The following NEGR1 variants were observed in gnomAD, a reference collection of about 807,000 sequenced individuals.
The protein encoded by NEGR1 is IgLON family member 4.
Under a neutral mutation model 40.9 loss-of-function variants are expected in NEGR1, and 10 were observed. That is an observed-to-expected ratio of 0.24 (90% confidence interval 0.15 to 0.42). The LOEUF is 0.42. NEGR1 is among the 10% of genes least tolerant of loss of function. The pLI is 1.00. For synonymous variants in NEGR1, 185 were observed against 166.8 expected, an observed-to-expected ratio of 1.11 and a Z score of -0.84; for missense variants, 352 against 438.9, an observed-to-expected ratio of 0.80 and a Z score of 1.77.
chr1:71,622,529 A>AT (rs889569509), intron 4 of NEGR1, among the ~76,000 whole-genome samples: 7 of 151,970 alleles, frequency 4.6e-5, no homozygotes, highest in East Asian at 1.9e-4. Context: ...AAACATAAGA[A>AT]TTTTTTTGTA....
At chr1:71,631,465 A>C (rs1570128466) in intron 4 of NEGR1, among the ~76,000 whole-genome samples, 1 of 151,802 alleles carries the variant, frequency 6.6e-6, no homozygotes, top group African/African-American at 2.4e-5. Context: ...TATCAACAAG[A>C]ATTCTCTTCC....
At chr1:71,807,117 C>T (rs1269514906) in intron 2 of NEGR1, among the ~76,000 whole-genome samples, 3 of 151,900 alleles carry the variant, frequency 2.0e-5, no homozygotes, top group African/African-American at 7.2e-5. Flanking sequence ...AGGATGGTCT[C>T]AATCTCCTGA....
At chr1:71,638,271 T>A (rs1570136790) in intron 4 of NEGR1, among the ~76,000 whole-genome samples, 1 of 152,084 alleles carries the variant, frequency 6.6e-6, no homozygotes, top group East Asian at 1.9e-4. Context: ...TGTGCTCTCA[T>A]CATATGAATC....
chr1:71,817,931 G>T (rs1392745898), intron 2 of NEGR1, among the ~76,000 whole-genome samples: 1 of 151,884 alleles, frequency 6.6e-6, no homozygotes, highest in Admixed American at 6.6e-5. Flanking sequence ...ACAGGCATAT[G>T]AAAAAATACT....
intron 1 of NEGR1, among the ~76,000 whole-genome samples, chr1:72,021,470 C>T (rs978755014): frequency 1.1e-4 from 16 of 151,632 alleles, no homozygotes; most frequent in Non-Finnish European, 1.8e-4. Flanking sequence ...CATACCAAAC[C>T]TCAAGAAAAT....
chr1:71,863,655 ATACTGGACT>A (rs574504077), intron 2 of NEGR1, among the ~76,000 whole-genome samples: 206 of 152,310 alleles, frequency 1.4e-3, no homozygotes, highest in African/African-American at 4.6e-3. Context: ...AGAAGCATTA[ATACTGGACT>A]TACTTCTCTT....
At chr1:72,060,184 C>A (rs887751914) in intron 1 of NEGR1, among the ~76,000 whole-genome samples, 1 of 151,614 alleles carries the variant, frequency 6.6e-6, no homozygotes, top group Non-Finnish European at 1.5e-5. Context: ...AAGCTTTCTA[C>A]CTCCAAGATT....
chr1:71,614,898 A>T (rs571539467), intron 4 of NEGR1, among the ~76,000 whole-genome samples: 2 of 152,334 alleles, frequency 1.3e-5, no homozygotes, highest in South Asian at 2.1e-4. Flanking sequence ...TGATCCTGTT[A>T]TCTAGGGCTT....
chr1:71,679,363 T>C (rs1037231451), intron 4 of NEGR1, among the ~76,000 whole-genome samples: 7 of 152,166 alleles, frequency 4.6e-5, no homozygotes, highest in African/African-American at 1.7e-4. Flanking sequence ...TAATGACTTT[T>C]CATATCAAAA....
intron 4 of NEGR1, among the ~76,000 whole-genome samples, chr1:71,620,618 GA>G (rs1284550164): frequency 1.3e-5 from 2 of 151,890 alleles, no homozygotes; most frequent in East Asian, 3.9e-4. Context: ...TTCGCCTAAT[GA>G]ATTAATTTCA....
chr1:71,749,355 A>T (rs1388287771), intron 3 of NEGR1, among the ~76,000 whole-genome samples: 1 of 152,208 alleles, frequency 6.6e-6, no homozygotes, highest in Non-Finnish European at 1.5e-5. Flanking sequence ...TAATATTTTC[A>T]CTTAACTTAC....
At chr1:72,264,752 C>T (rs1354619231) in intron 1 of NEGR1, among the ~76,000 whole-genome samples, 1 of 150,614 alleles carries the variant, frequency 6.6e-6, no homozygotes, top group African/African-American at 2.4e-5. Context: ...CTAACTCGTA[C>T]AAAACGTTTA....
chr1:71,826,977 A>G (rs1018949508), intron 2 of NEGR1, among the ~76,000 whole-genome samples: 1 of 151,814 alleles, frequency 6.6e-6, no homozygotes, highest in Non-Finnish European at 1.5e-5. Context: ...AGAAAGGTGA[A>G]AACAACTAGT....
chr1:72,133,291 A>C (rs936565830), intron 1 of NEGR1, among the ~76,000 whole-genome samples: 1 of 152,108 alleles, frequency 6.6e-6, no homozygotes, highest in Non-Finnish European at 1.5e-5. Context: ...GCATTGGTGA[A>C]TTGCTAAATT....
In NEGR1 at chr1:71,404,835, G is replaced by C. The variant is rs1646268069; in HGVS notation, c.*2611C>G. The C allele has an allele frequency of 6.6e-6, 1 of 152,158 alleles. No homozygotes were observed. Among genetic ancestry groups the C allele is most frequent in the Admixed American group, 6.6e-5 (1 of 15,202 alleles). The allele number at this position is 152,158 out of a possible 1,614,324, so 9.4% of individuals were successfully genotyped here. ...TCTGAAATTGCAACAATCTTGTACA[G>C]TCAGGACTGATAAAATGGGGTAATC... is the stretch of plus-strand genomic sequence containing the variant. On this transcript the variant is annotated 3_prime_UTR_variant, in exon 7 of 7. Coordinates refer to ENST00000357731, the MANE Select transcript of NEGR1 (RefSeq NM_173808.3).
chr1:72,235,075 T>C (rs1463002997), intron 1 of NEGR1, among the ~76,000 whole-genome samples: 3 of 152,102 alleles, frequency 2.0e-5, no homozygotes, highest in South Asian at 4.1e-4. Context: ...TGGGAGATAC[T>C]ATGCAGGAAA....
chr1:72,262,152 G>A (rs538055128), intron 1 of NEGR1, among the ~76,000 whole-genome samples: 2 of 152,098 alleles, frequency 1.3e-5, no homozygotes, highest in Admixed American at 1.3e-4. Context: ...TGCTTGCTGA[G>A]AAGGAACCTT....
At chr1:72,022,772 G>T (rs116544454) in intron 1 of NEGR1, among the ~76,000 whole-genome samples, 1,585 of 152,142 alleles carry the variant, frequency 0.01, 13 homozygotes, top group Non-Finnish European at 0.015. Context: ...TATCCAAGTT[G>T]CCACTATTCA....
At chr1:71,524,321 TG>T (rs1557554647) in intron 6 of NEGR1, among the ~76,000 whole-genome samples, 1 of 144,616 alleles carries the variant, frequency 6.9e-6, no homozygotes, top group Non-Finnish European at 1.5e-5. Context: ...TAGGAGTGTG[TG>T]TGTGTGTGTG....
Sources: allele counts gnomAD v4.1 joint callset (sites outside exome capture counted in the v4.1 genomes callset), GRCh38; gene constraint gnomAD v4.1.1; transcripts MANE v1.5; gene names NCBI Gene and HGNC (gene_info 2026-07-23, HGNC 2026-07-21).